The following AMZ1 variants were observed in gnomAD, a reference collection of about 807,000 sequenced individuals.
The protein encoded by AMZ1 is archaelysin family metallopeptidase 1.
Under a neutral mutation model 29.9 loss-of-function variants are expected in AMZ1, and 39 were observed. The ratio of observed to expected loss-of-function variants is 1.30; its 90% confidence interval spans 1.01 to 1.70. The LOEUF is 1.70. Among genes scored for constraint, AMZ1 ranks in the 40% most tolerant of loss-of-function variants. AMZ1 has a pLI of 0.00. For synonymous variants in AMZ1, 458 were observed against 304.0 expected (o/e 1.51, Z -5.27); for missense variants, 1,041 against 680.6 (o/e 1.53, Z -5.89).
chr7:2,700,704 C>T lies in AMZ1; in HGVS notation c.253C>T (p.Gln85Ter). ...CTTCCAGACCTTCCACGCCTCCCTG[C>T]AGCACCGGAAGCCCCGCCTGGCTCG... ...EDFQTFHASL[Q>*]HRKPRLARKH... The change falls in exon 2 of 7, where the codon CAG becomes TAG. Residue 85 changes from glutamine to a stop codon, truncating the protein, a stop_gained. Transcript: ENST00000683327. LOFTEE classifies it high-confidence loss of function. 6.2e-7 allele frequency: 1 copy of T among 1,613,144 alleles called. No homozygotes were observed. The highest frequency in any genetic ancestry group is 8.5e-7 in the Non-Finnish European group (1 of 1,180,024).
rs528132700 is a variant in AMZ1 at position 2,715,523 on chromosome 7, C to A, written c.*2645C>A. On this transcript the variant is annotated 3_prime_UTR_variant, in exon 7 of 7. Coordinates refer to ENST00000683327, the MANE Select transcript of AMZ1 (RefSeq NM_001384743.1). ...CTCTGTACCCGTGTCCTTTGACCCT[C>A]AGCTGTGATGTGTGTCCCAAAAAAG... 3 of 152,344 alleles carry A rather than the reference C, an allele frequency of 2.0e-5. No individual in the cohort carries two copies. The East Asian group carries it at 5.8e-4, about 29-fold the overall frequency. 9.4% of individuals were successfully genotyped at this position (152,344 alleles called of 1,614,324 possible).
chr7:2,708,547 C>T (rs370045116), intron 3 of AMZ1, 41 bp from the exon 4 acceptor site: 142 of 1,607,372 alleles, frequency 8.8e-5, no homozygotes, highest in South Asian at 6.9e-4. Flanking sequence ...TGGGGGTCCC[C>T]GGCTGCCTCC....
At position 2,751,032 on chromosome 7, in the gene AMZ1, C is replaced by G. The variant is rs115935168; in HGVS notation, n.551-13680C>G. Among the ~76,000 whole-genome samples the G allele has an allele frequency of 5.1e-3, 782 of 152,206 alleles. 7 individuals carry two copies. Among genetic ancestry groups the G allele is most frequent in the African/African-American group, 0.018 (738 of 41,524 alleles). On this transcript the variant is annotated intron_variant and non_coding_transcript_variant, in intron 4 of 4. Coordinates refer to the AMZ1 transcript ENST00000489665. ...GAACTTCAAGACAATGTTAAAATAT[C>G]AACACTTTTATCTTGAGATGTTGCC... is the stretch of plus-strand genomic sequence containing the variant.
chr7:2,692,951 C>A (rs1787491097), intron 1 of AMZ1, among the ~76,000 whole-genome samples: 1 of 152,216 alleles, frequency 6.6e-6, no homozygotes, highest in Non-Finnish European at 1.5e-5. Context: ...TGTGTACACC[C>A]ACCTCTGTCT....
Position 2,747,253 on chromosome 7 carries a change from T to C in AMZ1, n.551-17459T>C, listed in dbSNP as rs188767744. ...TTTAGACCAATATCCTTGATGAACA[T>C]TGATGCAAAAATCCTCAATAAAATA... On this transcript the variant is annotated intron_variant and non_coding_transcript_variant, in intron 4 of 4. Transcript: ENST00000489665. 9.2e-3 allele frequency among the ~76,000 whole-genome samples: 1,408 copies of C among 152,284 alleles called. 13 individuals carry two copies. Among genetic ancestry groups the C allele is most frequent in the African/African-American group, 0.032 (1,330 of 41,546 alleles).
In AMZ1 at chr7:2,716,346, A is replaced by G. The variant is rs1423945825; in HGVS notation, c.*3468A>G. On this transcript the variant is annotated 3_prime_UTR_variant, in exon 7 of 7. Transcript: ENST00000683327. ...GTCAGAGTGGGGAGAGGGGAGAAGCAGCATCCTGACTCCTGTCCATGGTGT... is the reference window on the plus strand; with the variant it reads ...GTCAGAGTGGGGAGAGGGGAGAAGCGGCATCCTGACTCCTGTCCATGGTGT... 1 of 152,220 alleles carries G rather than the reference A, an allele frequency of 6.6e-6. No homozygotes were observed. Among genetic ancestry groups the G allele is most frequent in the Non-Finnish European group, 1.5e-5 (1 of 68,052 alleles). The allele number at this position is 152,220 out of a possible 1,614,324, so 9.4% of individuals were successfully genotyped here. A position where few individuals can be genotyped will look rare whatever the true frequency, so the allele number is the denominator to read the frequency against.
At chr7:2,699,809 G>T (rs938363832) in intron 1 of AMZ1, among the ~76,000 whole-genome samples, 2 of 152,034 alleles carry the variant, frequency 1.3e-5, no homozygotes, top group African/African-American at 4.8e-5. Context: ...TGCAGGGAGG[G>T]GAGGAGGTCT....
chr7:2,722,012 G>A (rs1448602634), downstream of AMZ1, among the ~76,000 whole-genome samples: 2 of 152,228 alleles, frequency 1.3e-5, no homozygotes, highest in Non-Finnish European at 2.9e-5. Context: ...CGACCGTCTT[G>A]GAGGGGCTGC....
intron 1 of AMZ1, among the ~76,000 whole-genome samples, chr7:2,692,238 G>C (rs942841956): frequency 6.6e-6 from 1 of 152,134 alleles, no homozygotes. Context: ...GACACAGTGG[G>C]GTTGAAAGAG....
intron 1 of AMZ1, among the ~76,000 whole-genome samples, chr7:2,694,279 G>C (rs775180778): frequency 1.3e-5 from 2 of 152,168 alleles, no homozygotes. Context: ...CTGGAGCTGG[G>C]ACATGTCATC....
chr7:2,696,967 A>G (rs1206727166), intron 1 of AMZ1, among the ~76,000 whole-genome samples: 1 of 152,220 alleles, frequency 6.6e-6, no homozygotes. Context: ...AATTTGCAAT[A>G]CAAATCACGA....
rs1055088457 is a variant in AMZ1, at chr7:2,714,128, G to GGA, written c.*1257_*1258dup. On this transcript the variant is annotated 3_prime_UTR_variant, in exon 7 of 7. Transcript: ENST00000683327. ...CTCAGCCTGTGGTGGAGGGTCTCTG[G>GGA]GAGAGAGACTTCCGGTTCTGACAGC... 6.6e-6 allele frequency: 1 copy of GGA among 152,290 alleles called. No homozygotes were observed. The highest frequency in any genetic ancestry group is 1.5e-5 in the Non-Finnish European group (1 of 68,074). The allele number at this position is 152,290 out of a possible 1,614,324, so 9.4% of individuals were successfully genotyped here. A position where few individuals can be genotyped will look rare whatever the true frequency, so the allele number is the denominator to read the frequency against.
At position 2,718,971 on chromosome 7, in the gene AMZ1, G is replaced by C. The variant is rs1164929704; in HGVS notation, c.*6093G>C. On this transcript the variant is annotated 3_prime_UTR_variant, in exon 7 of 7. Coordinates refer to ENST00000683327, the MANE Select transcript of AMZ1 (RefSeq NM_001384743.1). ...GCCATTTATTCCAAATGTATGAGCA[G>C]GAAGGAAAGAGGGAGGGAAGCTGCA... Among the ~76,000 whole-genome samples the C allele has an allele frequency of 6.6e-6, 1 of 150,608 alleles. No homozygotes were observed. Among genetic ancestry groups the C allele is most frequent in the African/African-American group, 2.5e-5 (1 of 40,130 alleles).
Position 2,748,438 on chromosome 7 carries a change from G to T in AMZ1, n.551-16274G>T, listed in dbSNP as rs1379048686. ...GATTCCCTATTTAATAAATGGTGCT[G>T]GGAAAACTGGCTAGCCATATGTAGA... is the stretch of plus-strand genomic sequence containing the variant. On this transcript the variant is annotated intron_variant and non_coding_transcript_variant, in intron 4 of 4. Coordinates refer to the AMZ1 transcript ENST00000489665. 1.1e-4 allele frequency among the ~76,000 whole-genome samples: 17 copies of T among 152,174 alleles called. No homozygotes were observed. The East Asian group carries it at 2.9e-3, about 26-fold the overall frequency.
At position 2,713,445 on chromosome 7, in the gene AMZ1, G is replaced by C. The variant is rs184757650; in HGVS notation, c.*567G>C. 4 of 152,660 alleles carry C rather than the reference G, an allele frequency of 2.6e-5. No homozygotes were observed. The highest frequency in any genetic ancestry group is 4.1e-4 in the South Asian group (2 of 4,840). 9.5% of individuals were successfully genotyped at this position (152,660 alleles called of 1,614,324 possible). A position where few individuals can be genotyped will look rare whatever the true frequency, so the allele number is the denominator to read the frequency against. The stretch of plus-strand genomic sequence containing the variant: ...CCCTGCAGAGGCAGAAGGAAGCAGC[G>C]TGCGTCCTGTCTCCTTCCAGGCTGT... On this transcript the variant is annotated 3_prime_UTR_variant, in exon 7 of 7. Coordinates refer to ENST00000683327, the MANE Select transcript of AMZ1 (RefSeq NM_001384743.1).
upstream of AMZ1, among the ~76,000 whole-genome samples, chr7:2,686,554 A>C (rs576947558): frequency 6.6e-6 from 1 of 152,186 alleles, no homozygotes; most frequent in African/African-American, 2.4e-5. Flanking sequence ...TTTTAAAAAT[A>C]CATTTCAATG....
chr7:2,708,864 C>A (rs76742746), intron 4 of AMZ1, 148 bp downstream of exon 4: 5 of 1,367,458 alleles, frequency 3.7e-6, no homozygotes, highest in Admixed American at 4.3e-5. Flanking sequence ...TGGCCCCTTC[C>A]AGCTCCTCCT....
Position 2,714,146 on chromosome 7 carries a change from C to T in AMZ1, c.*1268C>T, listed in dbSNP as rs1788981511. The T allele has an allele frequency of 6.6e-6, 1 of 152,302 alleles. No homozygotes were observed. Among genetic ancestry groups the T allele is most frequent in the African/African-American group, 2.4e-5 (1 of 41,444 alleles). 9.4% of individuals were successfully genotyped at this position (152,302 alleles called of 1,614,324 possible). On this transcript the variant is annotated 3_prime_UTR_variant, in exon 7 of 7. Coordinates refer to ENST00000683327, the MANE Select transcript of AMZ1 (RefSeq NM_001384743.1). ...GTCTCTGGGAGAGAGACTTCCGGTT[C>T]TGACAGCGGAATCCCTTCGGAGTGA...
rs112128484 is a variant in AMZ1 at position 2,747,657 on chromosome 7, G to T, written n.551-17055G>T. ...ACCACTCCTATTCAATATAGTGTTG[G>T]AAGTCCTAGGCAGGGCAATCAGGCA... On this transcript the variant is annotated intron_variant and non_coding_transcript_variant, in intron 4 of 4. Coordinates refer to the AMZ1 transcript ENST00000489665. Among the ~76,000 whole-genome samples, 747 of 152,300 alleles carry T rather than the reference G, an allele frequency of 4.9e-3. 4 individuals carry two copies. Among genetic ancestry groups the T allele is most frequent in the African/African-American group, 0.017 (687 of 41,544 alleles).
Sources: gnomAD v4.1 joint callset for allele counts (sites outside exome capture counted in the v4.1 genomes callset) on GRCh38, gnomAD v4.1.1 for gene constraint, MANE v1.5 for transcripts, NCBI Gene and HGNC (gene_info 2026-07-23, HGNC 2026-07-21) for gene names.